The following TNN variants were observed in gnomAD, a reference collection of about 807,000 sequenced individuals.
TNN encodes the protein tenascin N.
A neutral mutation model predicts 134.4 loss-of-function variants in TNN; 122 were observed. That is an observed-to-expected ratio of 0.91 (90% CI 0.78 to 1.06). The LOEUF (loss-of-function observed/expected upper bound fraction) is 1.06, where lower values mean the gene tolerates loss of function less well. TNN is among the 50% of genes least tolerant of loss of function. The pLI is 0.00. For synonymous variants in TNN, 710 were observed against 670.3 expected (o/e 1.06, Z -0.91); for missense variants, 1,739 against 1,699.4 (o/e 1.02, Z -0.41).
chr1:175,095,837 G>A (rs1000108505), intron 7 of TNN, among the ~76,000 whole-genome samples: 1 of 152,230 alleles, frequency 6.6e-6, no homozygotes, highest in South Asian at 2.1e-4. Flanking sequence ...GCCTCCCAAA[G>A]TGCTGGGAAA....
chr1:175,070,348 C>G (rs1673886776), intron 1 of TNN, among the ~76,000 whole-genome samples: 1 of 152,110 alleles, frequency 6.6e-6, no homozygotes, highest in African/African-American at 2.4e-5. Context: ...CTGTGGTCAC[C>G]CCTGAAAAAG....
At chr1:175,123,999 A>G (rs1017922238) in intron 12 of TNN, among the ~76,000 whole-genome samples, 4 of 152,210 alleles carry the variant, frequency 2.6e-5, no homozygotes, top group South Asian at 2.1e-4. Context: ...TTCTGTTTCC[A>G]TCTTCCAGAA....
At chr1:175,109,332 C>T (rs6668484) in intron 9 of TNN, among the ~76,000 whole-genome samples, 5 of 151,100 alleles carry the variant, frequency 3.3e-5, no homozygotes, top group Admixed American at 6.6e-5. Flanking sequence ...TCATGATGCA[C>T]CCGCCTCGGC....
chr1:175,099,692 G>C (rs1475956866), intron 9 of TNN, among the ~76,000 whole-genome samples: 1 of 151,918 alleles, frequency 6.6e-6, no homozygotes, highest in African/African-American at 2.4e-5. Context: ...AGAGAGAATA[G>C]AGCCCAGGGG....
At chr1:175,103,165 C>A (rs1409761086) in intron 9 of TNN, among the ~76,000 whole-genome samples, 1 of 146,330 alleles carries the variant, frequency 6.8e-6, no homozygotes, top group Non-Finnish European at 1.5e-5. Context: ...CGAGTAACAG[C>A]AAGATGGCTG....
intron 11 of TNN, among the ~76,000 whole-genome samples, chr1:175,121,388 G>C (rs1287280651): frequency 6.6e-6 from 1 of 152,210 alleles, no homozygotes; most frequent in Non-Finnish European, 1.5e-5. Context: ...GGAGCATAGA[G>C]GGTGGAAGAG....
In TNN at chr1:175,077,644, GGGGAGGCCA is replaced by G. The variant is rs756370262; in HGVS notation, c.233_241del (p.Ala78_Glu80del). On this transcript the variant is annotated inframe_deletion, in exon 2 of 19. Transcript: ENST00000239462. ...CGATGGGGCTTCGCTCTTGGCCCTG[GGGGAGGCCA>G]GGGAGGAACAGAACATCATCTTCAG... is the stretch of plus-strand genomic sequence containing the variant. 2 of 1,614,192 alleles carry G rather than the reference GGGGAGGCCA, an allele frequency of 1.2e-6. No homozygotes were observed.
chr1:175,118,665 T>C lies in TNN; in HGVS notation c.2491T>C (p.Tyr831His). 1 of 1,614,230 alleles carries C rather than the reference T, an allele frequency of 6.2e-7. No individual in the cohort carries two copies. Among genetic ancestry groups the C allele is most frequent in the Non-Finnish European group, 8.5e-7 (1 of 1,180,038 alleles). The change falls in exon 11 of 19, where the codon TAC becomes CAC. Residue 831 changes from tyrosine (Y) to histidine (H), a missense_variant. Physicochemically the swap from Tyr to His is moderately conservative, Grantham distance 83. Coordinates refer to ENST00000239462, the MANE Select transcript of TNN (RefSeq NM_022093.2). Reference protein sequence around the residue: ...QATIDRYVVHYTSANGETREV... With the variant: ...QATIDRYVVHHTSANGETREV... ...CACCATTGACAGGTATGTGGTGCAC[T>C]ACACGTCTGCCAACGGAGAGACCAG... is the stretch of plus-strand genomic sequence containing the variant.
chr1:175,144,427 T>A lies in TNN; in HGVS notation c.3636T>A (p.Thr1212=). 6.2e-7 allele frequency: 1 copy of A among 1,614,176 alleles called. No homozygotes were observed. The highest frequency in any genetic ancestry group is 8.5e-7 in the Non-Finnish European group (1 of 1,180,014). Residue 1212 remains threonine, a synonymous_variant, in exon 18 of 19, where the codon ACT becomes ACA. Coordinates refer to ENST00000239462, the MANE Select transcript of TNN (RefSeq NM_022093.2). ...LTYHNGWKFT[T]FDRDNDIALS... is the part of the protein sequence containing the mutation. The stretch of plus-strand genomic sequence containing the variant: ...ACCACAATGGATGGAAGTTTACAAC[T>A]TTTGACAGAGACAATGATATCGCAC...
At chr1:175,074,249 G>A (rs980173877) in intron 1 of TNN, among the ~76,000 whole-genome samples, 3 of 152,138 alleles carry the variant, frequency 2.0e-5, no homozygotes, top group African/African-American at 7.2e-5. Flanking sequence ...TTGGGGAGCT[G>A]AGGTGGACAG....
chr1:175,120,195 C>A (rs996972954), intron 11 of TNN, among the ~76,000 whole-genome samples: 1 of 152,122 alleles, frequency 6.6e-6, no homozygotes, highest in African/African-American at 2.4e-5. Flanking sequence ...AAGTGCCAGG[C>A]CTGGGGAACA....
In TNN at chr1:175,098,495, A is replaced by T. The variant is rs781428687; in HGVS notation, c.2019A>T (p.Thr673=). ...CGGTGGGGAAGGAGCAGAGCAGCACAGTCCTGACAGGCCTGAGACCGGGTA... is the reference window on the plus strand; with the variant it reads ...CGGTGGGGAAGGAGCAGAGCAGCACTGTCCTGACAGGCCTGAGACCGGGTA... ...EVPVGKEQSS[T]VLTGLRPGME... Residue 673 remains threonine, a synonymous_variant, in exon 9 of 19, where the codon ACA becomes ACT. Transcript: ENST00000239462. 28 of 1,613,978 alleles carry T rather than the reference A, an allele frequency of 1.7e-5. No homozygotes were observed. The highest frequency in any genetic ancestry group is 3.3e-5 in the Admixed American group (2 of 59,986).
intron 1 of TNN, among the ~76,000 whole-genome samples, chr1:175,075,874 G>A (rs1474599619): frequency 6.6e-6 from 1 of 152,160 alleles, no homozygotes; most frequent in Non-Finnish European, 1.5e-5. Context: ...CTCACCACGG[G>A]CAGGGAGAGC....
chr1:175,143,402 A>G (rs1238666626), intron 17 of TNN, among the ~76,000 whole-genome samples: 1 of 152,168 alleles, frequency 6.6e-6, no homozygotes, highest in African/African-American at 2.4e-5. Flanking sequence ...TGATAGGGAA[A>G]CAGGAGATAC....
intron 6 of TNN, among the ~76,000 whole-genome samples, chr1:175,089,732 C>T (rs968843705): frequency 1.3e-5 from 2 of 152,198 alleles, no homozygotes; most frequent in Non-Finnish European, 2.9e-5. Context: ...ATTTCACAAG[C>T]TCCCATGCAC....
intron 1 of TNN, among the ~76,000 whole-genome samples, chr1:175,069,309 G>A (rs1056080823): frequency 6.6e-6 from 1 of 152,086 alleles, no homozygotes; most frequent in African/African-American, 2.4e-5. Context: ...TCAGACACAG[G>A]AAAAAATAGA....
intron 17 of TNN, among the ~76,000 whole-genome samples, chr1:175,142,886 G>A (rs1343324523): frequency 6.6e-6 from 1 of 152,176 alleles, no homozygotes; most frequent in African/African-American, 2.4e-5. Flanking sequence ...AAAGTGCTGG[G>A]ATTACAGGTG....
chr1:175,108,649 T>G (rs920472690), intron 9 of TNN, among the ~76,000 whole-genome samples: 32 of 152,218 alleles, frequency 2.1e-4, no homozygotes, highest in Admixed American at 9.8e-4. Flanking sequence ...GTAGCGCCGG[T>G]GGGCTGGCAC....
In TNN at chr1:175,098,367, G is replaced by C; in HGVS notation, c.1891G>C (p.Val631Leu). ...DSPKNLVTDR[V>L]TENMATVSWD... ...CCCCAAAAACCTGGTGACTGACCGGGTGACAGAGAATATGGCCACGGTCTC... is the reference window on the plus strand; with the variant it reads ...CCCCAAAAACCTGGTGACTGACCGGCTGACAGAGAATATGGCCACGGTCTC... Residue 631 changes from valine (V) to leucine (L), a missense_variant, in exon 9 of 19, where the codon GTG (valine) becomes CTG (leucine). Physicochemically the swap from Val to Leu is conservative, Grantham distance 32 (BLOSUM62 1). Coordinates refer to ENST00000239462, the MANE Select transcript of TNN (RefSeq NM_022093.2). 1 of 1,614,192 alleles carries C rather than the reference G, an allele frequency of 6.2e-7. No homozygotes were observed. The highest frequency in any genetic ancestry group is 1.1e-5 in the South Asian group (1 of 91,082).
Sources: allele counts gnomAD v4.1 joint callset (sites outside exome capture counted in the v4.1 genomes callset), GRCh38; gene constraint gnomAD v4.1.1; transcripts MANE v1.5; gene names NCBI Gene and HGNC (gene_info 2026-07-23, HGNC 2026-07-21).